Variants in ELMO1 observed in about 807,000 individuals in gnomAD.
ELMO1 encodes engulfment and cell motility 1.
ELMO1 carries 26 observed loss-of-function variants against 98.9 expected under a neutral mutation model. That is an observed-to-expected ratio of 0.26 (90% CI 0.19 to 0.36). The LOEUF (loss-of-function observed/expected upper bound fraction) is 0.36. Among genes scored for constraint, ELMO1 ranks in the 10% least tolerant of loss-of-function variants. The pLI is 1.00. For synonymous variants in ELMO1, 346 were observed against 346.0 expected, an observed-to-expected ratio of 1.00 and a Z score of 0.00; for missense variants, 627 against 935.2, an observed-to-expected ratio of 0.67 and a Z score of 4.30.
chr7:36,859,447 G>A (rs1347992255), intron 21 of ELMO1, among the ~76,000 whole-genome samples: 1 of 152,202 alleles, frequency 6.6e-6, no homozygotes, highest in Admixed American at 6.5e-5. Context: ...GTGGATGGGA[G>A]CACAGGTGAA....
Position 37,199,036 on chromosome 7 carries a change from G to A in ELMO1, c.1086+12350C>T, listed in dbSNP as rs545481634. On this transcript the variant is annotated intron_variant, in intron 13 of 21. Transcript: ENST00000310758. ...TTTCTCACACACATGCCTTTGATAG[G>A]CGCGCCCCCTAGTGGACCAGAGAAC... Among the ~76,000 whole-genome samples the A allele has an allele frequency of 8.5e-5, 13 of 152,300 alleles. No individual in the cohort carries two copies. The South Asian group carries it at 2.7e-3, about 32-fold the overall frequency.
chr7:37,407,572 T>G (rs1048312595), intron 1 of ELMO1, among the ~76,000 whole-genome samples: 1 of 150,566 alleles, frequency 6.6e-6, no homozygotes, highest in South Asian at 2.1e-4. Flanking sequence ...GAAGCCAGCC[T>G]AAAAAGGCCA....
At position 37,236,192 on chromosome 7, in the gene ELMO1, T is replaced by C. The variant is rs1794450850; in HGVS notation, c.450-2998A>G. Among the ~76,000 whole-genome samples, 4 of 152,290 alleles carry C rather than the reference T, an allele frequency of 2.6e-5. No individual in the cohort carries two copies. In the South Asian group the frequency reaches 6.2e-4, roughly 24 times the overall value. On this transcript the variant is annotated intron_variant, in intron 7 of 21. Coordinates refer to ENST00000310758, the MANE Select transcript of ELMO1 (RefSeq NM_014800.11). ...GTCCCAAAACTACACTCCAGAGCTC[T>C]GTCTACAGACTCCTCAGACAGAACA...
chr7:37,290,903 AAAAG>A (rs1797644608), intron 4 of ELMO1, among the ~76,000 whole-genome samples: 2 of 152,154 alleles, frequency 1.3e-5, no homozygotes, highest in Non-Finnish European at 2.9e-5. Context: ...GAGGAAGAGA[AAAAG>A]AAGAACAAGA....
intron 2 of ELMO1, among the ~76,000 whole-genome samples, chr7:37,326,662 T>C (rs1172987884): frequency 6.6e-6 from 1 of 152,220 alleles, no homozygotes; most frequent in East Asian, 1.9e-4. Context: ...GTGTCTTGTT[T>C]CAAGCTTCAT....
intron 5 of ELMO1, among the ~76,000 whole-genome samples, chr7:37,259,724 G>T (rs1795881534): frequency 6.6e-6 from 1 of 152,180 alleles, no homozygotes; most frequent in Non-Finnish European, 1.5e-5. Context: ...AAAAGCAACT[G>T]AAAGCTATTT....
intron 16 of ELMO1, among the ~76,000 whole-genome samples, chr7:36,965,217 C>G (rs1789311738): frequency 6.6e-6 from 1 of 152,188 alleles, no homozygotes; most frequent in African/African-American, 2.4e-5. Flanking sequence ...GGCATCATGG[C>G]TGGGGTGGCC....
chr7:37,206,433 G>C (rs1232870313), intron 13 of ELMO1, among the ~76,000 whole-genome samples: 2 of 152,208 alleles, frequency 1.3e-5, no homozygotes, highest in Admixed American at 6.5e-5. Flanking sequence ...TTGAAGCCTA[G>C]TAGCATTTAG....
In ELMO1 at chr7:37,244,343, C is replaced by G; in HGVS notation, c.449+13G>C. The G allele has an allele frequency of 6.2e-7, 1 of 1,612,018 alleles. No homozygotes were observed. The highest frequency in any genetic ancestry group is 8.5e-7 in the Non-Finnish European group (1 of 1,179,496). Reference sequence around the variant, plus strand: ...GGTTAAATCATCAATATCAATCGATCAAATATTCTTACCAAGGCTTCATGA... The same window carrying G: ...GGTTAAATCATCAATATCAATCGATGAAATATTCTTACCAAGGCTTCATGA... On this transcript the variant is annotated intron_variant, in intron 7 of 21. Coordinates refer to ENST00000310758, the MANE Select transcript of ELMO1 (RefSeq NM_014800.11).
At chr7:37,281,835 C>T (rs1394785129) in intron 4 of ELMO1, among the ~76,000 whole-genome samples, 1 of 152,210 alleles carries the variant, frequency 6.6e-6, no homozygotes, top group African/African-American at 2.4e-5. Context: ...GCAGAAAGAA[C>T]ATTTCTGCAG....
chr7:37,242,744 T>C lies in ELMO1; in HGVS notation c.449+1612A>G, dbSNP rs114042409. Among the ~76,000 whole-genome samples, 1,415 of 152,346 alleles carry C rather than the reference T, an allele frequency of 9.3e-3. 26 individuals carry two copies. Among genetic ancestry groups the C allele is most frequent in the African/African-American group, 0.033 (1,357 of 41,572 alleles). On this transcript the variant is annotated intron_variant, in intron 7 of 21. Transcript: ENST00000310758. ...CTGCGACAGGGTTTACATGTGGATG[T>C]GGAGTCTCCTACTCTCTGAGCTTCT...
At chr7:37,408,845 T>C (rs560550963) in intron 1 of ELMO1, among the ~76,000 whole-genome samples, 81 of 152,364 alleles carry the variant, frequency 5.3e-4, no homozygotes, top group African/African-American at 1.9e-3. Flanking sequence ...TGCGTAAGAA[T>C]GTGCATATAG....
intron 13 of ELMO1, among the ~76,000 whole-genome samples, chr7:37,208,122 T>C (rs1792742999): frequency 6.6e-6 from 1 of 152,208 alleles, no homozygotes; most frequent in Non-Finnish European, 1.5e-5. Context: ...TGCAGATGAT[T>C]TCTATGATGT....
At chr7:37,075,880 A>T (rs1371128650) in intron 15 of ELMO1, among the ~76,000 whole-genome samples, 3 of 152,174 alleles carry the variant, frequency 2.0e-5, no homozygotes, top group Non-Finnish European at 4.4e-5. Context: ...GAATTTGAAT[A>T]AAAAAATGTG....
At chr7:37,151,388 A>G (rs1469288465) in intron 13 of ELMO1, among the ~76,000 whole-genome samples, 2 of 151,940 alleles carry the variant, frequency 1.3e-5, no homozygotes, top group Non-Finnish European at 2.9e-5. Flanking sequence ...CAGGTGAATC[A>G]ATTCATCACC....
At chr7:36,860,536 T>C (rs1802546254) in intron 21 of ELMO1, among the ~76,000 whole-genome samples, 1 of 152,246 alleles carries the variant, frequency 6.6e-6, no homozygotes, top group South Asian at 2.1e-4. Flanking sequence ...CCAGAGCATT[T>C]ATCCTGATCT....
chr7:37,063,766 G>A (rs1028802812), intron 15 of ELMO1, among the ~76,000 whole-genome samples: 2 of 152,022 alleles, frequency 1.3e-5, no homozygotes, highest in Admixed American at 6.6e-5. Flanking sequence ...GAAAACGCAC[G>A]TTCACCAGAA....
chr7:37,340,686 A>G (rs1388206959), intron 2 of ELMO1, among the ~76,000 whole-genome samples: 1 of 152,228 alleles, frequency 6.6e-6, no homozygotes, highest in Admixed American at 6.5e-5. Flanking sequence ...AGCATATACA[A>G]TCTTTGTAAT....
chr7:37,006,694 G>C (rs1793150120), intron 16 of ELMO1, among the ~76,000 whole-genome samples: 1 of 152,180 alleles, frequency 6.6e-6, no homozygotes, highest in South Asian at 2.1e-4. Context: ...GGGGGAGGGT[G>C]ATTGGGGAAA....
Sources: gnomAD v4.1 joint callset for allele counts (sites outside exome capture counted in the v4.1 genomes callset) on GRCh38, gnomAD v4.1.1 for gene constraint, MANE v1.5 for transcripts, NCBI Gene and HGNC (gene_info 2026-07-23, HGNC 2026-07-21) for gene names.